The following BICC1 variants were observed in gnomAD, a reference collection of about 807,000 sequenced individuals.
The protein encoded by BICC1 is protein bicaudal C homolog 1.
In BICC1, 43 loss-of-function variants were observed where a neutral mutation model predicts 111.0. That is an observed-to-expected ratio of 0.39 (90% CI 0.30 to 0.50). The LOEUF (loss-of-function observed/expected upper bound fraction) is 0.50, where lower values mean the gene tolerates loss of function less well. Among genes scored for constraint, BICC1 ranks in the 20% least tolerant of loss-of-function variants. BICC1 has a pLI of 0.88. For synonymous variants in BICC1, 467 were observed against 434.4 expected (o/e 1.07, Z -0.93); for missense variants, 1,091 against 1,203.2 (o/e 0.91, Z 1.38).
intron 20 of BICC1, chr10:58,823,386 G>A: frequency 1.0e-6 from 1 of 985,028 alleles, no homozygotes; most frequent in Non-Finnish European, 1.2e-6. Flanking sequence ...AACAACAACA[G>A]CAATTCTAAA....
chr10:58,623,209 C>T (rs1275800646), intron 2 of BICC1, among the ~76,000 whole-genome samples: 1 of 152,008 alleles, frequency 6.6e-6, no homozygotes, highest in African/African-American at 2.4e-5. Flanking sequence ...TAATTGCTCT[C>T]ATTAAAGTTT....
At chr10:58,524,745 A>C (rs2131835280) in intron 1 of BICC1, among the ~76,000 whole-genome samples, 1 of 152,278 alleles carries the variant, frequency 6.6e-6, no homozygotes, top group East Asian at 1.9e-4. Flanking sequence ...TCTGCACAGC[A>C]AAAGAAACTA....
At chr10:58,754,663 G>A (rs574380866) in intron 3 of BICC1, among the ~76,000 whole-genome samples, 9 of 152,272 alleles carry the variant, frequency 5.9e-5, no homozygotes, top group East Asian at 5.8e-4. Flanking sequence ...CTCCTTGGGG[G>A]AGCCCAGGGA....
intron 6 of BICC1, among the ~76,000 whole-genome samples, chr10:58,788,746 T>C (rs1037925230): frequency 6.6e-6 from 1 of 151,900 alleles, no homozygotes; most frequent in African/African-American, 2.4e-5. Flanking sequence ...CCACAGGCAA[T>C]GTGAGTTAGA....
intron 1 of BICC1, among the ~76,000 whole-genome samples, chr10:58,524,408 C>G (rs988010014): frequency 6.6e-6 from 1 of 151,896 alleles, no homozygotes. Context: ...TATCTACAAC[C>G]ATCTGATCTT....
chr10:58,814,358 C>T (rs1589166049), intron 18 of BICC1: 2 of 530,710 alleles, frequency 3.8e-6, no homozygotes, highest in Admixed American at 3.5e-5. Flanking sequence ...TTGGATATTT[C>T]TTCCCAAACG....
intron 1 of BICC1, among the ~76,000 whole-genome samples, chr10:58,531,452 C>T (rs1589068094): frequency 6.6e-6 from 1 of 151,732 alleles, no homozygotes; most frequent in Admixed American, 6.6e-5. Flanking sequence ...TTTTTCCATC[C>T]AAAACCAGTC....
chr10:58,653,454 T>G (rs1838516174), intron 2 of BICC1, among the ~76,000 whole-genome samples: 1 of 152,116 alleles, frequency 6.6e-6, no homozygotes, highest in Non-Finnish European at 1.5e-5. Flanking sequence ...GTCACAGAAA[T>G]TTAAAGCCCA....
At chr10:58,619,584 C>T (rs1845731289) in intron 1 of BICC1, among the ~76,000 whole-genome samples, 1 of 151,644 alleles carries the variant, frequency 6.6e-6, no homozygotes. Flanking sequence ...AAGCAATTCT[C>T]CTGCCTCAGC....
chr10:58,810,508 G>T (rs1163682009), intron 17 of BICC1, among the ~76,000 whole-genome samples: 1 of 151,486 alleles, frequency 6.6e-6, no homozygotes, highest in African/African-American at 2.4e-5. Context: ...TGGTATATAA[G>T]TTAGACTTGA....
chr10:58,712,198 A>T (rs888425187), intron 3 of BICC1, among the ~76,000 whole-genome samples: 4 of 152,086 alleles, frequency 2.6e-5, no homozygotes, highest in Non-Finnish European at 5.9e-5. Context: ...CACTGACAAC[A>T]CCAAATGCTG....
chr10:58,783,958 C>G (rs1842944375), intron 3 of BICC1, among the ~76,000 whole-genome samples: 1 of 151,884 alleles, frequency 6.6e-6, no homozygotes, highest in Non-Finnish European at 1.5e-5. Context: ...GAGGCTAGTC[C>G]CCACCCTGAG....
chr10:58,574,677 T>A (rs1194569799), intron 1 of BICC1, among the ~76,000 whole-genome samples: 1 of 152,182 alleles, frequency 6.6e-6, no homozygotes, highest in African/African-American at 2.4e-5. Flanking sequence ...TTGACTATAT[T>A]TTCAGTTAAA....
chr10:58,823,530 T>G, intron 20 of BICC1: 2 of 983,982 alleles, frequency 2.0e-6, no homozygotes, highest in Non-Finnish European at 2.4e-6. Flanking sequence ...ATCATTTTAC[T>G]GTTTCAAAGA....
chr10:58,660,488 A>G (rs1364355833), intron 2 of BICC1, among the ~76,000 whole-genome samples: 1 of 151,846 alleles, frequency 6.6e-6, no homozygotes, highest in Non-Finnish European at 1.5e-5. Flanking sequence ...AACCCATTAA[A>G]AAAAAAAAAG....
intron 3 of BICC1, among the ~76,000 whole-genome samples, chr10:58,706,504 G>A (rs549604674): frequency 1.3e-5 from 2 of 152,234 alleles, no homozygotes; most frequent in African/African-American, 2.4e-5. Context: ...TTAGACTGGC[G>A]AAGGTGAACG....
intron 3 of BICC1, among the ~76,000 whole-genome samples, chr10:58,705,275 T>C (rs1170986714): frequency 2.6e-5 from 4 of 152,224 alleles, no homozygotes; most frequent in Admixed American, 6.5e-5. Flanking sequence ...AAGAAGACCA[T>C]GTGTTCTGAA....
intron 3 of BICC1, among the ~76,000 whole-genome samples, chr10:58,706,047 A>G (rs976526554): frequency 3.3e-5 from 5 of 152,202 alleles, no homozygotes; most frequent in Non-Finnish European, 7.3e-5. Context: ...ATTTATTTTG[A>G]GTGGATAAAA....
At chr10:58,756,170 T>TA (rs1419722056) in intron 3 of BICC1, among the ~76,000 whole-genome samples, 4 of 152,194 alleles carry the variant, frequency 2.6e-5, no homozygotes, top group African/African-American at 9.7e-5. Context: ...ATCATCAAGA[T>TA]AGAGACTTTT....
Sources: allele counts gnomAD v4.1 joint callset (sites outside exome capture counted in the v4.1 genomes callset), GRCh38; gene constraint gnomAD v4.1.1; transcripts MANE v1.5; gene names NCBI Gene and HGNC (gene_info 2026-07-23, HGNC 2026-07-21).